TRPM2: variants seen among roughly 807,000 people sequenced by gnomAD.
TRPM2 encodes the protein estrogen-responsive element-associated gene 1 protein.
TRPM2 carries 161 observed loss-of-function variants against 174.0 expected under a neutral mutation model. The ratio of observed to expected loss-of-function variants is 0.93; its 90% CI spans 0.81 to 1.05. The LOEUF (loss-of-function observed/expected upper bound fraction) is 1.05, where lower values mean the gene tolerates loss of function less well. Among genes scored for constraint, TRPM2 ranks in the 50% least tolerant of loss-of-function variants. The pLI is 0.00. For synonymous variants in TRPM2, 954 were observed against 861.3 expected (o/e 1.11, Z -1.88); for missense variants, 2,057 against 2,038.0 (o/e 1.01, Z -0.18).
At chr21:44,379,505 G>T (rs905293065) in intron 8 of TRPM2, among the ~76,000 whole-genome samples, 8 of 152,242 alleles carry the variant, frequency 5.3e-5, no homozygotes. Flanking sequence ...GGGGTGGGAG[G>T]CAGGCGCTGG....
chr21:44,426,821 C>G, intron 26 of TRPM2, 85 bp downstream of exon 26: 1 of 1,551,310 alleles, frequency 6.4e-7, no homozygotes, highest in Non-Finnish European at 8.9e-7. Context: ...CAGTCAGAGC[C>G]CAGCCCGGGG....
chr21:44,372,797 G>C (rs1261487849), intron 5 of TRPM2, among the ~76,000 whole-genome samples: 1 of 152,166 alleles, frequency 6.6e-6, no homozygotes, highest in Non-Finnish European at 1.5e-5. Flanking sequence ...TGATAAGACC[G>C]GGGAGACCCC....
At chr21:44,375,514 C>G (rs962004761) in intron 5 of TRPM2, among the ~76,000 whole-genome samples, 1 of 152,184 alleles carries the variant, frequency 6.6e-6, no homozygotes, top group Admixed American at 6.5e-5. Flanking sequence ...CTCCTCCACT[C>G]CTGGGGGGTC....
rs913451226 is a variant in TRPM2, at chr21:44,391,445, G to A, written c.1614G>A (p.Lys538=). The change falls in exon 11 of 32, where the codon AAG becomes AAA. Residue 538 remains lysine, a synonymous_variant. Transcript: ENST00000397928. This position sits in a 1 kb window ranked among gnomAD's most constrained non-coding sequence, Gnocchi z 5.0. ...PSCLFHSKLQ[K]VLVEDPERPA... ...GCCTGTTCCACAGCAAGCTGCAGAAGGTGCTGGTGGAGGATCCCGAGCGCC... is the reference window on the plus strand; with the variant it reads ...GCCTGTTCCACAGCAAGCTGCAGAAAGTGCTGGTGGAGGATCCCGAGCGCC... The A allele has an allele frequency of 4.3e-6, 7 of 1,613,880 alleles. No individual in the cohort carries two copies. The highest frequency in any genetic ancestry group is 5.9e-6 in the Non-Finnish European group (7 of 1,180,032).
Position 44,391,182 on chromosome 21 carries a change from A to G in TRPM2, c.1441-90A>G. On this transcript the variant is annotated intron_variant, in intron 10 of 31. Coordinates refer to ENST00000397928, the MANE Select transcript of TRPM2 (RefSeq NM_003307.4). This position sits in a 1 kb window ranked among gnomAD's most constrained non-coding sequence, Gnocchi z 5.0. ...TTTCATCCTCCCCAGGTTGGGGACAACAGCAGCCCCCATCTCCAGGGTCTT... is the reference window on the plus strand; with the variant it reads ...TTTCATCCTCCCCAGGTTGGGGACAGCAGCAGCCCCCATCTCCAGGGTCTT... 2 of 1,528,202 alleles carry G rather than the reference A, an allele frequency of 1.3e-6. No homozygotes were observed. Among genetic ancestry groups the G allele is most frequent in the Non-Finnish European group, 1.8e-6 (2 of 1,122,488 alleles). 94.7% of individuals were successfully genotyped at this position (1,528,202 alleles called of 1,614,324 possible).
chr21:44,432,532 C>A lies in TRPM2; in HGVS notation c.3975-2599C>A, dbSNP rs1489436179. Among the ~76,000 whole-genome samples the A allele has an allele frequency of 6.6e-6, 1 of 152,214 alleles. No homozygotes were observed. The highest frequency in any genetic ancestry group is 2.4e-5 in the African/African-American group (1 of 41,444). ...GTGGGCATTGTTCACCCCAGTGCAT[C>A]TTTGTGCTAGACCCATCTCCCATTG... On this transcript the variant is annotated intron_variant, in intron 27 of 31. Transcript: ENST00000397928. This position sits in a 1 kb window ranked among gnomAD's most constrained non-coding sequence, Gnocchi z 4.9.
At chr21:44,378,939 G>T (rs2048789207) in intron 7 of TRPM2, 58 bp from the exon 8 acceptor site, 1 of 1,548,052 alleles carries the variant, frequency 6.5e-7, no homozygotes, top group South Asian at 1.1e-5. Flanking sequence ...CTCCATTTCA[G>T]AAAGCATCGG....
At chr21:44,359,619 T>C (rs903310008) in intron 2 of TRPM2, among the ~76,000 whole-genome samples, 8 of 151,248 alleles carry the variant, frequency 5.3e-5, no homozygotes, top group African/African-American at 1.9e-4. Flanking sequence ...AATTCCCTTA[T>C]TTGTCCCCGC....
Position 44,424,117 on chromosome 21 carries a change from C to T in TRPM2, c.3549+385C>T, listed in dbSNP as rs1291798236. The stretch of plus-strand genomic sequence containing the variant: ...ACGGCCTCTCAGGGTCTGCTCCCAC[C>T]ACCCCATCAACGTCCACCAGCTGGG... On this transcript the variant is annotated intron_variant, in intron 23 of 31. Transcript: ENST00000397928. 2.0e-5 allele frequency among the ~76,000 whole-genome samples: 3 copies of T among 152,112 alleles called. No individual in the cohort carries two copies. The East Asian group carries it at 5.8e-4, about 29-fold the overall frequency.
At chr21:44,360,882 C>T (rs1420496781) in intron 2 of TRPM2, among the ~76,000 whole-genome samples, 1 of 151,358 alleles carries the variant, frequency 6.6e-6, no homozygotes, top group African/African-American at 2.4e-5. Context: ...TCATTTTTCA[C>T]ATGTGTATTT....
chr21:44,428,785 G>C (rs533167861), intron 27 of TRPM2, among the ~76,000 whole-genome samples: 1 of 149,486 alleles, frequency 6.7e-6, no homozygotes, highest in Non-Finnish European at 1.5e-5. Context: ...CTGAGGTGTG[G>C]CTCCTTCCCT....
At chr21:44,379,365 C>T (rs1489292760) in intron 8 of TRPM2, among the ~76,000 whole-genome samples, 168 bp downstream of exon 8, 1 of 152,184 alleles carries the variant, frequency 6.6e-6, no homozygotes, top group African/African-American at 2.4e-5. Context: ...AACCTCCTGG[C>T]TGGGTTCCGG....
At chr21:44,425,856 G>A (rs375567737) in intron 25 of TRPM2, 29 bp downstream of exon 25, 241 of 1,523,380 alleles carry the variant, frequency 1.6e-4, no homozygotes, top group Admixed American at 2.7e-4. Context: ...CCAACCAGGC[G>A]GAGTGGCCGG....
chr21:44,362,466 C>A, intron 2 of TRPM2, among the ~76,000 whole-genome samples: 1 of 149,688 alleles, frequency 6.7e-6, no homozygotes. Flanking sequence ...GAGCAAAGAT[C>A]GGCGCCACTG....
At chr21:44,404,059 AC>A (rs1416326418) in intron 16 of TRPM2, among the ~76,000 whole-genome samples, 3 of 152,180 alleles carry the variant, frequency 2.0e-5, no homozygotes, top group Non-Finnish European at 4.4e-5. Context: ...ACATATACAT[AC>A]ATATGCACAT....
Position 44,354,816 on chromosome 21 carries a change from C to T in TRPM2, c.254+80C>T. 1.6e-6 allele frequency: 2 copies of T among 1,237,516 alleles called. No homozygotes were observed. The highest frequency in any genetic ancestry group is 2.4e-6 in the Non-Finnish European group (2 of 838,916). The allele number at this position is 1,237,516 out of a possible 1,614,324, so 76.7% of individuals were successfully genotyped here. On this transcript the variant is annotated intron_variant, in intron 2 of 31. Coordinates refer to ENST00000397928, the MANE Select transcript of TRPM2 (RefSeq NM_003307.4). The surrounding 1 kb of genome is among the most constrained non-coding windows in gnomAD (Gnocchi z 4.3). The stretch of plus-strand genomic sequence containing the variant: ...TGGAGTAGCTGATCAGGCCAAGACC[C>T]CTCAGGGCCTCAGTGAAGGGTCACT...
rs142952707 is a variant in TRPM2 at position 44,357,525 on chromosome 21, C to T, written c.254+2789C>T. On this transcript the variant is annotated intron_variant, in intron 2 of 31. Transcript: ENST00000397928. ...TGGAGAATCTGAGGGCAGGCTGCTG[C>T]GGCTCTCCTGTGCAGGCGCCATGCA... is the stretch of plus-strand genomic sequence containing the variant. Among the ~76,000 whole-genome samples, 347 of 152,320 alleles carry T rather than the reference C, an allele frequency of 2.3e-3. 2 individuals are homozygous for T. The highest frequency in any genetic ancestry group is 0.01 in the Middle Eastern group (3 of 294).
chr21:44,409,249 T>C (rs1435576935), intron 19 of TRPM2, among the ~76,000 whole-genome samples: 1 of 152,210 alleles, frequency 6.6e-6, no homozygotes, highest in Non-Finnish European at 1.5e-5. Context: ...AAGTGTTTTA[T>C]AGCTTTCGCT....
At position 44,435,143 on chromosome 21, in the gene TRPM2, C is replaced by T; in HGVS notation, c.3987C>T (p.Gly1329=). ...CTCTGCATCCCAGGAACCCCATGGG[C>T]CGCACAGGACTGCGTGGGCGCGGGA... ...VQAGLPLNPM[G]RTGLRGRGSL... The change falls in exon 28 of 32, where the codon GGC becomes GGT. Residue 1329 remains glycine, a synonymous_variant. Transcript: ENST00000397928. 1 of 1,612,976 alleles carries T rather than the reference C, an allele frequency of 6.2e-7. No individual in the cohort carries two copies.
Sources: gnomAD v4.1 joint callset for allele counts (sites outside exome capture counted in the v4.1 genomes callset) on GRCh38, gnomAD v4.1.1 for gene constraint, Gnocchi (gnomAD v3.1) non-coding constraint, MANE v1.5 for transcripts, NCBI Gene and HGNC (gene_info 2026-07-23, HGNC 2026-07-21) for gene names.